The following ARRB1 variants were observed in gnomAD, a reference collection of about 807,000 sequenced individuals.
ARRB1 encodes arrestin beta 1.
In ARRB1, 21 loss-of-function variants were observed where a neutral mutation model predicts 56.8. The ratio of observed to expected loss-of-function variants is 0.37; its 90% CI spans 0.26 to 0.53. The LOEUF is 0.53. Ranked by LOEUF, ARRB1 falls within the 20% of genes least tolerant of loss-of-function variation. The pLI is 0.88. For missense variants in ARRB1, 424 were observed against 553.7 expected (o/e 0.77, Z 2.35); for synonymous variants, 210 against 218.6 (o/e 0.96, Z 0.35).
intron 1 of ARRB1, among the ~76,000 whole-genome samples, chr11:75,336,892 G>A (rs1947613472): frequency 6.6e-6 from 1 of 152,168 alleles, no homozygotes; most frequent in Non-Finnish European, 1.5e-5. Flanking sequence ...GGCACAATGT[G>A]CCCAGAGTCA....
At chr11:75,287,057 TGTC>T (rs1267201215) in intron 3 of ARRB1, among the ~76,000 whole-genome samples, 2 of 152,296 alleles carry the variant, frequency 1.3e-5, no homozygotes, top group South Asian at 2.1e-4. Flanking sequence ...TGGCGGTGTC[TGTC>T]GTCATCACCC....
chr11:75,280,931 G>T, intron 7 of ARRB1, 144 bp downstream of exon 7: 2 of 967,330 alleles, frequency 2.1e-6, no homozygotes, highest in South Asian at 1.6e-5. Flanking sequence ...TGACCTCCCA[G>T]CTTCCAGAGT....
chr11:75,321,861 T>C (rs77043015), intron 1 of ARRB1, among the ~76,000 whole-genome samples: 1,961 of 152,324 alleles, frequency 0.013, 47 homozygotes, highest in African/African-American at 0.044. Flanking sequence ...AGGGCAGATT[T>C]GGGCAAAGGG....
intron 1 of ARRB1, among the ~76,000 whole-genome samples, chr11:75,294,032 C>T (rs1488736209): frequency 6.6e-6 from 1 of 152,180 alleles, no homozygotes; most frequent in East Asian, 1.9e-4. Context: ...CACTCAGCTT[C>T]CCACTGCTAA....
chr11:75,346,159 T>C (rs2135004346), intron 1 of ARRB1, among the ~76,000 whole-genome samples: 1 of 152,134 alleles, frequency 6.6e-6, no homozygotes, highest in South Asian at 2.1e-4. Context: ...CTTTCTTCTG[T>C]CTAGAACACC....
intron 1 of ARRB1, among the ~76,000 whole-genome samples, chr11:75,327,628 G>A (rs1489070527): frequency 6.2e-5 from 9 of 146,312 alleles, no homozygotes; most frequent in African/African-American, 1.3e-4. Context: ...TGCTCTTGTC[G>A]CCCAGGCTAG....
intron 1 of ARRB1, among the ~76,000 whole-genome samples, chr11:75,335,967 T>G (rs932364741): frequency 2.0e-5 from 3 of 152,176 alleles, no homozygotes. Context: ...CAAGGGGCTT[T>G]CCACACGTGA....
chr11:75,279,195 C>T (rs1946271126), intron 7 of ARRB1, among the ~76,000 whole-genome samples: 1 of 152,218 alleles, frequency 6.6e-6, no homozygotes, highest in South Asian at 2.1e-4. Context: ...GCACCTATGA[C>T]TGTGCCTGCC....
chr11:75,344,764 G>T (rs909466723), intron 1 of ARRB1, among the ~76,000 whole-genome samples: 8 of 152,140 alleles, frequency 5.3e-5, no homozygotes, highest in African/African-American at 1.9e-4. Flanking sequence ...AACTTCAGGA[G>T]CCCCCAGTGT....
At chr11:75,293,942 C>A (rs1278482254) in intron 1 of ARRB1, among the ~76,000 whole-genome samples, 2 of 152,198 alleles carry the variant, frequency 1.3e-5, no homozygotes, top group South Asian at 4.1e-4. Flanking sequence ...GCTATCTCTA[C>A]TTACTCAAGG....
chr11:75,277,497 C>T (rs200205695), intron 8 of ARRB1, 49 bp from the exon 9 acceptor site: 108 of 1,543,086 alleles, frequency 7.0e-5, no homozygotes, highest in Admixed American at 2.3e-4. Flanking sequence ...CAGCAAGGTT[C>T]TAGGGAAAGG....
At chr11:75,300,663 C>G (rs1467608700) in intron 1 of ARRB1, among the ~76,000 whole-genome samples, 1 of 151,910 alleles carries the variant, frequency 6.6e-6, no homozygotes, top group Non-Finnish European at 1.5e-5. Context: ...AACCCCATCT[C>G]GACTAAAAAT....
At chr11:75,340,551 G>A (rs962815520) in intron 1 of ARRB1, among the ~76,000 whole-genome samples, 1 of 152,242 alleles carries the variant, frequency 6.6e-6, no homozygotes. Context: ...ACGAGGAGAG[G>A]CTGTGGGGGC....
At position 75,283,383 on chromosome 11, in the gene ARRB1, C is replaced by T. The variant is rs746115226; in HGVS notation, c.258G>A (p.Ser86=). ...RKDLFVANVQ[S]FPPAPEDKKP... Reference sequence around the variant, plus strand: ...TCTTGTCCTCGGGGGCCGGTGGGAACGACTGTACGTTGGCCACAAACAGGT... The same window carrying T: ...TCTTGTCCTCGGGGGCCGGTGGGAATGACTGTACGTTGGCCACAAACAGGT... The change falls in exon 5 of 16, where the codon TCG becomes TCA. Residue 86 remains serine, a synonymous_variant. Transcript: ENST00000420843. 2.3e-5 allele frequency: 37 copies of T among 1,614,058 alleles called. 1 individual carries two copies. The highest frequency in any genetic ancestry group is 6.7e-5 in the East Asian group (3 of 44,894).
At chr11:75,292,377 T>C (rs982220725) in intron 1 of ARRB1, among the ~76,000 whole-genome samples, 7 of 152,148 alleles carry the variant, frequency 4.6e-5, no homozygotes, top group Non-Finnish European at 8.8e-5. Context: ...TGACCTCAAG[T>C]GATCCTCCCA....
chr11:75,331,653 A>G (rs1454935229), intron 1 of ARRB1, among the ~76,000 whole-genome samples: 4 of 146,174 alleles, frequency 2.7e-5, no homozygotes, highest in African/African-American at 1.0e-4. Flanking sequence ...TTACCTACGC[A>G]AATCTTATAA....
chr11:75,318,239 CT>C (rs1947295313), intron 1 of ARRB1, among the ~76,000 whole-genome samples: 2 of 147,324 alleles, frequency 1.4e-5, no homozygotes, highest in Admixed American at 1.4e-4. Context: ...TCATAGCTCA[CT>C]GCAGCCTCAA....
intron 1 of ARRB1, among the ~76,000 whole-genome samples, chr11:75,339,084 T>C (rs1565146954): frequency 6.6e-6 from 1 of 152,174 alleles, no homozygotes; most frequent in Non-Finnish European, 1.5e-5. Flanking sequence ...AAGATAGCCC[T>C]CCAATCTGTA....
chr11:75,278,844 G>T, intron 7 of ARRB1, 100 bp from the exon 8 acceptor site: 1 of 1,476,758 alleles, frequency 6.8e-7, no homozygotes, highest in Non-Finnish European at 9.1e-7. Context: ...AGACTGGCAT[G>T]GCTCTCCATC....
Sources: gnomAD v4.1 joint callset for allele counts (sites outside exome capture counted in the v4.1 genomes callset) on GRCh38, gnomAD v4.1.1 for gene constraint, MANE v1.5 for transcripts, NCBI Gene and HGNC (gene_info 2026-07-23, HGNC 2026-07-21) for gene names.